The following EIF3H variants were observed in gnomAD, a reference collection of about 807,000 sequenced individuals.
EIF3H encodes eukaryotic translation initiation factor 3 subunit H, also known as eIF-3-gamma.
EIF3H carries 26 observed loss-of-function variants against 44.2 expected under a neutral mutation model. The ratio of observed to expected loss-of-function variants is 0.59; its 90% CI spans 0.43 to 0.82. The LOEUF is 0.82. Among genes scored for constraint, EIF3H ranks in the 40% least tolerant of loss-of-function variants. EIF3H has a pLI of 0.00. For missense variants in EIF3H, 359 were observed against 432.8 expected, an observed-to-expected ratio of 0.83 and a Z score of 1.51; for synonymous variants, 166 against 151.9, an observed-to-expected ratio of 1.09 and a Z score of -0.68.
intron 1 of EIF3H, among the ~76,000 whole-genome samples, chr8:116,742,698 T>G (rs1815152188): frequency 6.6e-6 from 1 of 152,240 alleles, no homozygotes; most frequent in Non-Finnish European, 1.5e-5. Context: ...GGCACTCTCA[T>G]TATAATTTGT....
chr8:116,719,967 G>T (rs1814717377), intron 2 of EIF3H, among the ~76,000 whole-genome samples: 1 of 152,078 alleles, frequency 6.6e-6, no homozygotes, highest in African/African-American at 2.4e-5. Flanking sequence ...CATGGTATTT[G>T]GAATCCAGCC....
chr8:116,688,965 G>A, intron 2 of EIF3H: 1 of 330,820 alleles, frequency 3.0e-6, no homozygotes, highest in South Asian at 2.3e-5. Flanking sequence ...ATATACCCGA[G>A]AGAAATGAAA....
intron 1 of EIF3H, among the ~76,000 whole-genome samples, chr8:116,761,467 G>A (rs1398330195): frequency 2.0e-5 from 3 of 152,140 alleles, no homozygotes; most frequent in Admixed American, 2.0e-4. Context: ...AGGCGAGATT[G>A]CACCACTGCA....
chr8:116,674,926 T>C (rs372395451), intron 2 of EIF3H, among the ~76,000 whole-genome samples: 1 of 152,192 alleles, frequency 6.6e-6, no homozygotes, highest in Non-Finnish European at 1.5e-5. Flanking sequence ...GGTTCTCTGC[T>C]ACTACAGTGA....
At chr8:116,692,792 A>G (rs1814200043) in intron 2 of EIF3H, among the ~76,000 whole-genome samples, 1 of 152,212 alleles carries the variant, frequency 6.6e-6, no homozygotes, top group Non-Finnish European at 1.5e-5. Context: ...TTTAATATCA[A>G]ATTTGAGACA....
intron 1 of EIF3H, among the ~76,000 whole-genome samples, chr8:116,752,349 C>T (rs780337007): frequency 3.3e-5 from 5 of 151,998 alleles, no homozygotes; most frequent in East Asian, 3.9e-4. Context: ...AGTTAGCATT[C>T]GAAATGATTT....
chr8:116,716,510 GAACA>G (rs1346403096), intron 2 of EIF3H, among the ~76,000 whole-genome samples: 1 of 152,032 alleles, frequency 6.6e-6, no homozygotes, highest in East Asian at 1.9e-4. Context: ...GTAACATCAA[GAACA>G]AATATCGCAC....
intron 1 of EIF3H, among the ~76,000 whole-genome samples, chr8:116,739,991 A>AACACAC (rs144316842): frequency 1.1e-4 from 16 of 151,632 alleles, no homozygotes; most frequent in African/African-American, 3.9e-4. Context: ...ATGAAAATAA[A>AACACAC]ACACACACAC....
In EIF3H at chr8:116,642,434, TTTTAG is replaced by T. The variant is rs1192740427; in HGVS notation, c.*2567_*2571del. ...CTTCCAAAAATAGGTAAAAAAATTATTTTAGTTTAAGTTGATATTAAAAACACATT... is the reference window on the plus strand; with the variant it reads ...CTTCCAAAAATAGGTAAAAAAATTATTTTAAGTTGATATTAAAAACACATT... On this transcript the variant is annotated 3_prime_UTR_variant, in exon 8 of 8. Coordinates refer to ENST00000521861, the MANE Select transcript of EIF3H (RefSeq NM_003756.3). The T allele has an allele frequency of 3.3e-5, 5 of 152,144 alleles. No individual in the cohort carries two copies. The highest frequency in any genetic ancestry group is 7.4e-5 in the Non-Finnish European group (5 of 68,010). 9.4% of individuals were successfully genotyped at this position (152,144 alleles called of 1,614,324 possible).
At chr8:116,695,284 G>C (rs1586460841) in intron 2 of EIF3H, among the ~76,000 whole-genome samples, 1 of 152,102 alleles carries the variant, frequency 6.6e-6, no homozygotes, top group Non-Finnish European at 1.5e-5. Flanking sequence ...GGCCAGGCTA[G>C]TCTCGAACTC....
At chr8:116,655,444 G>A (rs1813472863) in intron 5 of EIF3H, among the ~76,000 whole-genome samples, 1 of 151,890 alleles carries the variant, frequency 6.6e-6, no homozygotes, top group Non-Finnish European at 1.5e-5. Context: ...AGTACAACCA[G>A]TAAAAGAAAA....
intron 1 of EIF3H, among the ~76,000 whole-genome samples, chr8:116,742,414 TTAATTTA>T (rs1815149185): frequency 6.6e-6 from 1 of 152,240 alleles, no homozygotes; most frequent in African/African-American, 2.4e-5. Context: ...GATAAGATGT[TTAATTTA>T]TAAGTTTCTG....
intron 1 of EIF3H, among the ~76,000 whole-genome samples, chr8:116,736,657 G>A (rs1385286664): frequency 2.0e-5 from 3 of 151,450 alleles, no homozygotes; most frequent in African/African-American, 2.4e-5. Flanking sequence ...GCAAGACTCC[G>A]TCTCACAAAA....
At chr8:116,657,374 C>G in intron 3 of EIF3H, 60 bp from the exon 4 acceptor site, 1 of 1,297,644 alleles carries the variant, frequency 7.7e-7, no homozygotes, top group Non-Finnish European at 1.1e-6. Context: ...GCTTGAATGG[C>G]ATTGGTTCTA....
chr8:116,665,395 T>C (rs1037525741), intron 2 of EIF3H, among the ~76,000 whole-genome samples: 14 of 152,192 alleles, frequency 9.2e-5, no homozygotes, highest in Non-Finnish European at 1.5e-4. Flanking sequence ...GCTTGTGCCA[T>C]GACTACTTTG....
At chr8:116,690,743 A>G (rs1406340906) in intron 2 of EIF3H, among the ~76,000 whole-genome samples, 1 of 152,228 alleles carries the variant, frequency 6.6e-6, no homozygotes, top group Non-Finnish European at 1.5e-5. Context: ...TATAATTCTC[A>G]GTATGTAGAA....
rs572920802 is a variant in EIF3H, at chr8:116,653,723, C to T, written c.707+2133G>A. ...TGTTTTACATGTGTGAAAAGCTGAA[C>T]GCCTGTGATACACATTTTTAAAAAC... On this transcript the variant is annotated intron_variant, in intron 5 of 7. Transcript: ENST00000521861. Among the ~76,000 whole-genome samples the T allele has an allele frequency of 4.6e-5, 7 of 152,162 alleles. No individual in the cohort carries two copies. The East Asian group carries it at 5.8e-4, about 13-fold the overall frequency.
chr8:116,678,237 C>T (rs527489735), intron 2 of EIF3H, among the ~76,000 whole-genome samples: 38 of 152,240 alleles, frequency 2.5e-4, no homozygotes, highest in South Asian at 1.7e-3. Context: ...GCGAGTGATC[C>T]GCCAGCCTCG....
upstream of EIF3H, among the ~76,000 whole-genome samples, chr8:116,756,641 A>G (rs940935309): frequency 2.0e-5 from 3 of 152,244 alleles, no homozygotes; most frequent in African/African-American, 4.8e-5. Flanking sequence ...TAATTAAATC[A>G]ATAAACGGCA....
Sources: gnomAD v4.1 joint callset for allele counts (sites outside exome capture counted in the v4.1 genomes callset) on GRCh38, gnomAD v4.1.1 for gene constraint, MANE v1.5 for transcripts, NCBI Gene and HGNC (gene_info 2026-07-23, HGNC 2026-07-21) for gene names.